The following GALNTL6 variants were observed in gnomAD, a reference collection of about 807,000 sequenced individuals.
GALNTL6 encodes polypeptide N-acetylgalactosaminyltransferase like 6, also known as polypeptide N-acetylgalactosaminyltransferase-like 6.
Under a neutral mutation model 73.7 loss-of-function variants are expected in GALNTL6, and 46 were observed. That is an observed-to-expected ratio of 0.62 (90% confidence interval 0.49 to 0.80). GALNTL6 has a LOEUF of 0.80. GALNTL6 is among the 30% of genes least tolerant of loss of function. GALNTL6 has a pLI of 0.00. For synonymous variants in GALNTL6, 259 were observed against 263.7 expected, an observed-to-expected ratio of 0.98 and a Z score of 0.17; for missense variants, 604 against 755.0, an observed-to-expected ratio of 0.80 and a Z score of 2.34.
intron 2 of GALNTL6, among the ~76,000 whole-genome samples, chr4:172,165,849 C>G (rs1734608145): frequency 6.6e-6 from 1 of 151,998 alleles, no homozygotes; most frequent in Admixed American, 6.6e-5. Context: ...GCACATGCTG[C>G]TTCATAGGAG....
At chr4:172,723,768 T>C (rs533828566) in intron 5 of GALNTL6, among the ~76,000 whole-genome samples, 1 of 113,442 alleles carries the variant, frequency 8.8e-6, no homozygotes, top group Non-Finnish European at 2.0e-5. Flanking sequence ...TTATTGATAG[T>C]AGAAAAATCC....
At chr4:171,980,222 A>G (rs1398642460) in intron 2 of GALNTL6, among the ~76,000 whole-genome samples, 2 of 152,204 alleles carry the variant, frequency 1.3e-5, no homozygotes, top group African/African-American at 4.8e-5. Flanking sequence ...AAACCATTCA[A>G]TTAGTAAACA....
intron 2 of GALNTL6, among the ~76,000 whole-genome samples, chr4:172,143,231 A>C (rs1430830110): frequency 6.6e-6 from 1 of 151,888 alleles, no homozygotes; most frequent in Non-Finnish European, 1.5e-5. Flanking sequence ...ATTTTTCCTA[A>C]GTAATTTCAA....
At chr4:172,942,009 A>G (rs1268551215) in intron 9 of GALNTL6, among the ~76,000 whole-genome samples, 1 of 152,218 alleles carries the variant, frequency 6.6e-6, no homozygotes, top group Non-Finnish European at 1.5e-5. Context: ...TTCCATTTCC[A>G]ACTGCAATTC....
chr4:172,369,019 G>A (rs978022962), intron 5 of GALNTL6, among the ~76,000 whole-genome samples: 3 of 152,190 alleles, frequency 2.0e-5, no homozygotes, highest in Non-Finnish European at 2.9e-5. Flanking sequence ...AGCTTCCACA[G>A]TGTGGAAGGG....
chr4:171,897,737 G>A (rs1736967000), intron 2 of GALNTL6, among the ~76,000 whole-genome samples: 1 of 151,064 alleles, frequency 6.6e-6, no homozygotes, highest in African/African-American at 2.4e-5. Flanking sequence ...TGCAAGCTCC[G>A]CCTCCCGGTG....
chr4:171,851,585 C>T (rs1198594542), intron 2 of GALNTL6, among the ~76,000 whole-genome samples: 1 of 152,282 alleles, frequency 6.6e-6, no homozygotes, highest in East Asian at 1.9e-4. Context: ...TGAATTATTT[C>T]TTTCTATTAG....
At chr4:172,196,792 C>T (rs1735786135) in intron 2 of GALNTL6, among the ~76,000 whole-genome samples, 1 of 151,946 alleles carries the variant, frequency 6.6e-6, no homozygotes, top group Admixed American at 6.6e-5. Context: ...AGGAACATAC[C>T]TCAAAATAAT....
intron 9 of GALNTL6, among the ~76,000 whole-genome samples, chr4:172,944,519 A>G (rs1003421176): frequency 6.6e-6 from 1 of 152,250 alleles, no homozygotes; most frequent in Non-Finnish European, 1.5e-5. Flanking sequence ...GGAATGTAAA[A>G]TGGTACAACC....
intron 2 of GALNTL6, among the ~76,000 whole-genome samples, chr4:171,951,232 T>G (rs1213913626): frequency 6.6e-6 from 1 of 152,076 alleles, no homozygotes; most frequent in Non-Finnish European, 1.5e-5. Context: ...TTCTAAATAT[T>G]AATATTTGGC....
chr4:172,860,721 T>A (rs938086994), intron 7 of GALNTL6, among the ~76,000 whole-genome samples: 5 of 152,306 alleles, frequency 3.3e-5, no homozygotes, highest in African/African-American at 1.2e-4. Flanking sequence ...GGAAAATATA[T>A]ATGAAAATGA....
chr4:171,963,826 C>T (rs963565103), intron 2 of GALNTL6, among the ~76,000 whole-genome samples: 6 of 152,062 alleles, frequency 3.9e-5, no homozygotes, highest in South Asian at 4.1e-4. Flanking sequence ...GTGAATTATC[C>T]GTGGGTTTCT....
intron 5 of GALNTL6, among the ~76,000 whole-genome samples, chr4:172,714,080 G>A (rs904737764): frequency 3.9e-5 from 6 of 152,260 alleles, no homozygotes; most frequent in Admixed American, 1.3e-4. Context: ...AGTTGAGTGT[G>A]GTTGTGGTGT....
At chr4:171,941,200 T>C (rs899463845) in intron 2 of GALNTL6, among the ~76,000 whole-genome samples, 1 of 152,230 alleles carries the variant, frequency 6.6e-6, no homozygotes, top group African/African-American at 2.4e-5. Flanking sequence ...TAGCAAGCTC[T>C]CTGTATTGTG....
At chr4:172,292,793 T>G (rs12502211) in intron 3 of GALNTL6, among the ~76,000 whole-genome samples, 62,818 of 151,988 alleles carry the variant, frequency 0.41, 15,098 homozygotes, top group South Asian at 0.63. Flanking sequence ...AAGAAATTAC[T>G]CTAATTGAAG....
intron 5 of GALNTL6, among the ~76,000 whole-genome samples, chr4:172,783,301 A>G (rs1443787392): frequency 6.7e-6 from 1 of 149,528 alleles, no homozygotes; most frequent in Non-Finnish European, 1.5e-5. Context: ...CCTTCAATTG[A>G]TCTATAGATT....
chr4:172,193,927 T>A (rs1362026898), intron 2 of GALNTL6, among the ~76,000 whole-genome samples: 1 of 152,040 alleles, frequency 6.6e-6, no homozygotes, highest in Non-Finnish European at 1.5e-5. Context: ...CCAGAGTGCC[T>A]CTTCTCCAAA....
chr4:172,881,663 T>C (rs992659208), intron 7 of GALNTL6, among the ~76,000 whole-genome samples: 3 of 152,234 alleles, frequency 2.0e-5, no homozygotes, highest in Non-Finnish European at 4.4e-5. Flanking sequence ...ATATCAACAT[T>C]TGAAATGTTG....
rs535130045 is a variant in GALNTL6 at position 172,179,798 on chromosome 4, T to C, written c.139-49858T>C. ...GGTTTTTATGGTTTTAGGTCTAACATTTAAATCTTTAATCCATGTGACACA... is the reference window on the plus strand; with the variant it reads ...GGTTTTTATGGTTTTAGGTCTAACACTTAAATCTTTAATCCATGTGACACA... On this transcript the variant is annotated intron_variant, in intron 2 of 12. Transcript: ENST00000506823. Among the ~76,000 whole-genome samples the C allele has an allele frequency of 2.0e-5, 3 of 152,306 alleles. No homozygotes were observed. The South Asian group carries it at 6.2e-4, about 32-fold the overall frequency.
Sources: gnomAD v4.1 joint callset for allele counts (sites outside exome capture counted in the v4.1 genomes callset) on GRCh38, gnomAD v4.1.1 for gene constraint, MANE v1.5 for transcripts, NCBI Gene and HGNC (gene_info 2026-07-23, HGNC 2026-07-21) for gene names.